TMEM245: variants seen among roughly 807,000 people sequenced by gnomAD.
TMEM245 encodes transmembrane protein 245.
A neutral mutation model predicts 101.2 loss-of-function variants in TMEM245; 69 were observed. The observed-to-expected ratio is 0.68, with a 90% confidence interval of 0.56 to 0.83. The LOEUF (loss-of-function observed/expected upper bound fraction) is 0.83. Ranked by LOEUF, TMEM245 falls within the 40% of genes least tolerant of loss-of-function variation. The probability of loss-of-function intolerance (pLI) is 0.00; values close to 1 mark genes in which losing one functional copy is unlikely to be tolerated. For missense variants in TMEM245, 1,075 were observed against 1,092.8 expected, an observed-to-expected ratio of 0.98 and a Z score of 0.23; for synonymous variants, 537 against 449.8, an observed-to-expected ratio of 1.19 and a Z score of -2.45.
chr9:109,037,584 C>T (rs549864086), intron 15 of TMEM245, among the ~76,000 whole-genome samples: 1 of 152,254 alleles, frequency 6.6e-6, no homozygotes, highest in East Asian at 1.9e-4. Flanking sequence ...TAGCACCTCT[C>T]CCCTCTCTTC....
intron 14 of TMEM245, among the ~76,000 whole-genome samples, chr9:109,040,907 G>A (rs995549962): frequency 4.6e-5 from 7 of 152,286 alleles, no homozygotes; most frequent in African/African-American, 1.4e-4. Flanking sequence ...GAACATTTGT[G>A]TACAAGTCTT....
At chr9:109,025,104 T>C (rs1236703291) in intron 17 of TMEM245, among the ~76,000 whole-genome samples, 5 of 152,190 alleles carry the variant, frequency 3.3e-5, no homozygotes, top group Non-Finnish European at 7.3e-5. Flanking sequence ...TGTACTCCCT[T>C]CCCAGCCCCA....
intron 8 of TMEM245, among the ~76,000 whole-genome samples, chr9:109,074,108 C>T (rs1434344116): frequency 2.6e-5 from 4 of 152,150 alleles, no homozygotes; most frequent in Non-Finnish European, 5.9e-5. Flanking sequence ...GATCTATCCA[C>T]CTTGGCCTCC....
chr9:109,116,369 A>T (rs1363426043), intron 1 of TMEM245, among the ~76,000 whole-genome samples: 4 of 152,072 alleles, frequency 2.6e-5, no homozygotes, highest in African/African-American at 7.2e-5. Flanking sequence ...CCAGGCCTTA[A>T]TCTGCACTTT....
chr9:109,045,001 C>T (rs1828439763), intron 14 of TMEM245, among the ~76,000 whole-genome samples: 1 of 152,166 alleles, frequency 6.6e-6, no homozygotes. Context: ...CTCAGGTGAT[C>T]TGCCCGCCTT....
chr9:109,028,343 A>C (rs1157124088), intron 17 of TMEM245, among the ~76,000 whole-genome samples: 1 of 151,616 alleles, frequency 6.6e-6, no homozygotes, highest in Non-Finnish European at 1.5e-5. Flanking sequence ...AATCCCCGCT[A>C]CTCGGGAAGC....
rs1829872610 is a variant in TMEM245 at position 109,087,335 on chromosome 9, T to C, written c.1158A>G (p.Ile386Met). The C allele has an allele frequency of 6.3e-7, 1 of 1,588,794 alleles. No homozygotes were observed. The highest frequency in any genetic ancestry group is 8.5e-7 in the Non-Finnish European group (1 of 1,172,382). The part of the protein sequence containing the change: ...QLLPVPIAVW[I>M]LKKLVIHFGV... ...CAAAGTGAATGACAAGCTTTTTGAG[T>C]ATCCAGACTAAAAAAAGACAAAAAA... Residue 386 changes from isoleucine to methionine, a missense_variant, in exon 6 of 18, where the codon ATA (isoleucine) becomes ATG (methionine). Around this residue, in one of 2 missense-constraint regions of TMEM245, gnomAD observed 808 missense variants for 741.5 expected, o/e 1.09. Coordinates refer to ENST00000374586, the MANE Select transcript of TMEM245 (RefSeq NM_032012.4).
Position 109,027,347 on chromosome 9 carries a change from T to C in TMEM245, c.2594+5960A>G, listed in dbSNP as rs537400277. ...CTTGGCAGAAAACTAGAGGTTTTTT[T>C]CCCCTCTGGAGAAGGTAAAACAAAA... On this transcript the variant is annotated intron_variant, in intron 17 of 17. Transcript: ENST00000374586. 8.9e-5 allele frequency among the ~76,000 whole-genome samples: 13 copies of C among 146,674 alleles called. No individual in the cohort carries two copies. The East Asian group carries it at 1.8e-3, about 20-fold the overall frequency.
chr9:109,073,269 C>A (rs1368618892), intron 9 of TMEM245, 87 bp downstream of exon 9: 7 of 960,444 alleles, frequency 7.3e-6, no homozygotes, highest in Non-Finnish European at 1.2e-5. Context: ...TCTTCCAATG[C>A]AGCTGCATCA....
intron 17 of TMEM245, among the ~76,000 whole-genome samples, chr9:109,029,629 G>C (rs553913038): frequency 2.9e-4 from 44 of 152,282 alleles, no homozygotes; most frequent in Non-Finnish European, 2.4e-4. Context: ...ATCTATAAGA[G>C]GATGTGCTCC....
intron 3 of TMEM245, among the ~76,000 whole-genome samples, chr9:109,094,988 G>A (rs1303653690): frequency 6.6e-6 from 1 of 152,216 alleles, no homozygotes; most frequent in Non-Finnish European, 1.5e-5. Context: ...GCCAGAGCCT[G>A]AGGTGGATCT....
intron 1 of TMEM245, among the ~76,000 whole-genome samples, chr9:109,109,471 C>A (rs952888521): frequency 6.6e-6 from 1 of 151,026 alleles, no homozygotes; most frequent in African/African-American, 2.4e-5. Flanking sequence ...AAAGAAACTT[C>A]GAGCTATATA....
chr9:109,051,240 C>T (rs1033755201), intron 12 of TMEM245, among the ~76,000 whole-genome samples: 1 of 149,734 alleles, frequency 6.7e-6, no homozygotes, highest in South Asian at 2.1e-4. Context: ...TGCAGTGAGC[C>T]GAGATCCTAC....
At chr9:109,020,629 T>C in intron 17 of TMEM245, 124 bp from the exon 18 acceptor site, 1 of 867,534 alleles carries the variant, frequency 1.2e-6, no homozygotes, top group Non-Finnish European at 1.8e-6. Flanking sequence ...TCATTGAGTA[T>C]TGTTTCAAAG....
intron 12 of TMEM245, among the ~76,000 whole-genome samples, chr9:109,056,594 C>G (rs541932932): frequency 1.2e-4 from 18 of 151,972 alleles, no homozygotes; most frequent in African/African-American, 4.3e-4. Context: ...CCAGCCTAGG[C>G]AACAGAATGA....
chr9:109,052,353 G>C (rs1314498132), intron 12 of TMEM245, among the ~76,000 whole-genome samples: 1 of 152,166 alleles, frequency 6.6e-6, no homozygotes, highest in Non-Finnish European at 1.5e-5. Context: ...TTGCCCAAAG[G>C]CACAAAGCTA....
In TMEM245 at chr9:109,033,520, C is replaced by G. The variant is rs767862714; in HGVS notation, c.2400-19G>C. 2 of 1,547,302 alleles carry G rather than the reference C, an allele frequency of 1.3e-6. No individual in the cohort carries two copies. The highest frequency in any genetic ancestry group is 1.7e-6 in the Non-Finnish European group (2 of 1,147,912). The stretch of plus-strand genomic sequence containing the variant: ...GCCACCTCTGGAATAAAGAGCACGA[C>G]CTTTAACACACAAAAACTGGAAAAA... On this transcript the variant is annotated intron_variant, in intron 16 of 17. Coordinates refer to ENST00000374586, the MANE Select transcript of TMEM245 (RefSeq NM_032012.4).
chr9:109,096,158 G>T (rs973237238), intron 3 of TMEM245, among the ~76,000 whole-genome samples: 1 of 152,154 alleles, frequency 6.6e-6, no homozygotes, highest in Non-Finnish European at 1.5e-5. Context: ...GCATATTAGA[G>T]TTATTTTTAG....
chr9:109,064,685 C>A, intron 9 of TMEM245, 118 bp from the exon 10 acceptor site: 1 of 716,822 alleles, frequency 1.4e-6, no homozygotes, highest in Non-Finnish European at 2.3e-6. Flanking sequence ...TTCACCAATA[C>A]ACAGATACCA....
Sources: gnomAD v4.1 joint callset for allele counts (sites outside exome capture counted in the v4.1 genomes callset) on GRCh38, gnomAD v4.1.1 for gene constraint, gnomAD v4.1.1 regional missense constraint, MANE v1.5 for transcripts, NCBI Gene and HGNC (gene_info 2026-07-23, HGNC 2026-07-21) for gene names.